SYNPO2: variants seen among roughly 807,000 people sequenced by gnomAD.
SYNPO2 encodes synaptopodin 2, also known as synaptopodin-2.
In SYNPO2, 56 loss-of-function variants were observed where a neutral mutation model predicts 85.0. The ratio of observed to expected loss-of-function variants is 0.66; its 90% confidence interval spans 0.53 to 0.82. The LOEUF is 0.82. Ranked by LOEUF, SYNPO2 falls within the 40% of genes least tolerant of loss-of-function variation. SYNPO2 has a pLI of 0.00. For missense variants in SYNPO2, 1,575 were observed against 1,534.2 expected, an observed-to-expected ratio of 1.03 and a Z score of -0.44; for synonymous variants, 602 against 591.1, an observed-to-expected ratio of 1.02 and a Z score of -0.27.
At chr4:118,917,794 C>T (rs879942645) in intron 1 of SYNPO2, among the ~76,000 whole-genome samples, 1 of 152,044 alleles carries the variant, frequency 6.6e-6, no homozygotes, top group Non-Finnish European at 1.5e-5. Flanking sequence ...TTTATTATGC[C>T]ATGAGTCATT....
intron 1 of SYNPO2, among the ~76,000 whole-genome samples, chr4:118,954,474 G>A (rs1386045556): frequency 1.3e-5 from 2 of 152,070 alleles, no homozygotes; most frequent in Admixed American, 6.6e-5. Flanking sequence ...AATGTGAAAC[G>A]ATGTTCAACC....
chr4:119,036,969 G>C (rs1447653192), intron 4 of SYNPO2: 29 of 1,301,942 alleles, frequency 2.2e-5, no homozygotes, highest in Non-Finnish European at 2.7e-5. Flanking sequence ...GGGTCCTAGA[G>C]TTTAAGTAAT....
intron 4 of SYNPO2, chr4:119,037,680 A>C: frequency 1.0e-6 from 1 of 979,006 alleles, no homozygotes; most frequent in Non-Finnish European, 1.2e-6. Context: ...TATATGCAGG[A>C]ACTGTGTTAA....
intron 2 of SYNPO2, among the ~76,000 whole-genome samples, chr4:119,025,543 C>T (rs1737902140): frequency 6.6e-6 from 1 of 152,090 alleles, no homozygotes; most frequent in African/African-American, 2.4e-5. Flanking sequence ...GTATTTTGAG[C>T]ATTGGTCGGA....
At position 119,030,775 on chromosome 4, in the gene SYNPO2, TA is replaced by T; in HGVS notation, c.2001del (p.Ile667MetfsTer38). On this transcript the variant is annotated frameshift_variant, in exon 4 of 5. Transcript: ENST00000307142. LOFTEE classifies it high-confidence loss of function. ...QPAFYDSSER[I>X]ASRDERISVP... is the part of the protein sequence containing the mutation. Reference sequence around the variant, plus strand: ...GCCTTTTACGATTCGTCTGAGCGAATAGCTTCCCGAGATGAGAGGATCTCAG... The same window carrying T: ...GCCTTTTACGATTCGTCTGAGCGAATGCTTCCCGAGATGAGAGGATCTCAG... 1 of 1,614,096 alleles carries T rather than the reference TA, an allele frequency of 6.2e-7. No homozygotes were observed. Among genetic ancestry groups the T allele is most frequent in the Non-Finnish European group, 8.5e-7 (1 of 1,180,022 alleles).
At position 119,031,430 on chromosome 4, in the gene SYNPO2, G is replaced by C; in HGVS notation, c.2655G>C (p.Lys885Asn). The part of the protein sequence containing the change: ...LFAKRQSRME[K>N]YVVDSDTVQA... The stretch of plus-strand genomic sequence containing the variant: ...CTAAAAGGCAGTCGAGAATGGAGAA[G>C]TATGTGGTCGATTCAGACACGGTGC... Residue 885 changes from lysine (K) to asparagine (N), a missense_variant, in exon 4 of 5, where the codon AAG becomes AAC. Lys to Asn is a moderately conservative substitution (Grantham distance 94). This residue lies in a region of SYNPO2 where 1,508 missense variants were observed against 1,446.8 expected (regional missense o/e 1.04). Coordinates refer to ENST00000307142, the MANE Select transcript of SYNPO2 (RefSeq NM_133477.3). 6.2e-7 allele frequency: 1 copy of C among 1,614,190 alleles called. No individual in the cohort carries two copies.
At chr4:118,989,596 A>C (rs1450169851) in intron 1 of SYNPO2, among the ~76,000 whole-genome samples, 1 of 152,230 alleles carries the variant, frequency 6.6e-6, no homozygotes, top group Non-Finnish European at 1.5e-5. Flanking sequence ...TTCAGCTGCA[A>C]GTAAAAAAAC....
At chr4:118,862,304 G>T (rs1331019578) in intron 1 of SYNPO2, among the ~76,000 whole-genome samples, 3 of 151,942 alleles carry the variant, frequency 2.0e-5, no homozygotes, top group Non-Finnish European at 4.4e-5. Flanking sequence ...TTCCCTTCCA[G>T]TATGGATGCT....
chr4:118,980,065 G>A (rs373915079), intron 1 of SYNPO2, among the ~76,000 whole-genome samples: 1 of 152,174 alleles, frequency 6.6e-6, no homozygotes, highest in African/African-American at 2.4e-5. Context: ...CATAGTATAT[G>A]CGGTTTTTAA....
intron 1 of SYNPO2, among the ~76,000 whole-genome samples, chr4:118,906,710 A>G (rs1732949726): frequency 6.6e-6 from 1 of 152,176 alleles, no homozygotes; most frequent in African/African-American, 2.4e-5. Flanking sequence ...AGCTCTCAAA[A>G]TGCTACCAAT....
intron 1 of SYNPO2, among the ~76,000 whole-genome samples, chr4:119,003,253 G>T (rs1046525887): frequency 5.9e-5 from 9 of 152,144 alleles, no homozygotes; most frequent in African/African-American, 2.2e-4. Flanking sequence ...ACTTCACAGG[G>T]TGGCAGGAGA....
intron 4 of SYNPO2, among the ~76,000 whole-genome samples, chr4:119,051,193 T>TTTTTG (rs1739028771): frequency 1.5e-5 from 2 of 136,106 alleles, no homozygotes; most frequent in Non-Finnish European, 3.2e-5. Context: ...GCAATTTTTT[T>TTTTTG]TTTTTTTTTT....
chr4:119,022,752 ATTT>A (rs1737785450), intron 1 of SYNPO2, among the ~76,000 whole-genome samples: 7 of 135,754 alleles, frequency 5.2e-5, no homozygotes, highest in African/African-American at 1.9e-4. Context: ...GTTTTATTTT[ATTT>A]TATTTTATAT....
At chr4:118,920,704 G>C (rs1302129478) in intron 1 of SYNPO2, among the ~76,000 whole-genome samples, 1 of 151,982 alleles carries the variant, frequency 6.6e-6, no homozygotes, top group Non-Finnish European at 1.5e-5. Context: ...ATTGCATATT[G>C]GAACAATTTT....
At chr4:119,035,156 A>C in intron 4 of SYNPO2, 1 of 985,474 alleles carries the variant, frequency 1.0e-6, no homozygotes, top group Non-Finnish European at 1.2e-6. Context: ...GAAAAAGGTC[A>C]TTACAGTCAC....
chr4:118,953,800 A>T (rs10025067), intron 1 of SYNPO2, among the ~76,000 whole-genome samples: 1 of 152,178 alleles, frequency 6.6e-6, no homozygotes, highest in African/African-American at 2.4e-5. Flanking sequence ...CCAGCATAAA[A>T]TAAGGTATTG....
intron 1 of SYNPO2, among the ~76,000 whole-genome samples, chr4:118,926,554 A>G (rs1452657616): frequency 6.6e-6 from 1 of 152,180 alleles, no homozygotes; most frequent in Non-Finnish European, 1.5e-5. Context: ...AATGGCACAT[A>G]ATTAAAAGGT....
rs1469320477 is a variant in SYNPO2, at chr4:118,956,723, C to CT, written c.106-66705dup. Among the ~76,000 whole-genome samples, 6 of 152,176 alleles carry CT rather than the reference C, an allele frequency of 3.9e-5. No individual in the cohort carries two copies. In the East Asian group the frequency reaches 1.2e-3, roughly 29 times the overall value. On this transcript the variant is annotated intron_variant, in intron 1 of 4. Transcript: ENST00000307142. ...TGGCTTTCACTCTGATATCCTTTTC[C>CT]TTAGGCACATAGAGAATAGAGGCAA... is the stretch of plus-strand genomic sequence containing the variant.
chr4:118,975,063 A>G (rs989122117), intron 1 of SYNPO2, among the ~76,000 whole-genome samples: 8 of 152,138 alleles, frequency 5.3e-5, no homozygotes, highest in Non-Finnish European at 8.8e-5. Flanking sequence ...TACCCCAGTA[A>G]TCCAACCTTA....
Sources: allele counts gnomAD v4.1 joint callset (sites outside exome capture counted in the v4.1 genomes callset), GRCh38; gene constraint gnomAD v4.1.1; regional missense constraint gnomAD v4.1.1; transcripts MANE v1.5; gene names NCBI Gene and HGNC (gene_info 2026-07-23, HGNC 2026-07-21).